The following TRPC1 variants were observed in gnomAD, a reference collection of about 807,000 sequenced individuals.
TRPC1 encodes transient receptor potential cation channel subfamily C member 1.
Under a neutral mutation model 88.2 loss-of-function variants are expected in TRPC1, and 42 were observed. The ratio of observed to expected loss-of-function variants is 0.48; its 90% CI spans 0.37 to 0.62. The LOEUF (loss-of-function observed/expected upper bound fraction) is 0.62. TRPC1 is among the 20% of genes least tolerant of loss of function. The pLI is 0.00. For synonymous variants in TRPC1, 288 were observed against 331.8 expected (o/e 0.87, Z 1.43); for missense variants, 699 against 957.3 (o/e 0.73, Z 3.56).
At position 142,806,420 on chromosome 3, in the gene TRPC1, CCTT is replaced by C. The variant is rs1936795964; in HGVS notation, c.*188_*190del. ...GTGTATATAGAATTAGTTTTTTAAA[CCTT>C]CTGTTAGTGGCTTTTTGCAGAAGCA... On this transcript the variant is annotated 3_prime_UTR_variant, in exon 13 of 13. Transcript: ENST00000476941. The C allele has an allele frequency of 4.2e-6, 2 of 480,590 alleles. No homozygotes were observed. The highest frequency in any genetic ancestry group is 6.9e-6 in the Non-Finnish European group (2 of 289,678). 29.8% of individuals were successfully genotyped at this position (480,590 alleles called of 1,614,324 possible).
In TRPC1 at chr3:142,763,989, T is replaced by TATATATATATAC. The variant is rs1486429772; in HGVS notation, c.633-13642_633-13641insTATATATATACA. On this transcript the variant is annotated intron_variant, in intron 4 of 12. Transcript: ENST00000476941. ...ATATATATATATATATATATACACA[T>TATATATATATAC]ACATACATACATATATATATATATA... 1.3e-3 allele frequency among the ~76,000 whole-genome samples: 84 copies of TATATATATATAC among 65,010 alleles called. 6 individuals are homozygous for TATATATATATAC. The highest frequency in any genetic ancestry group is 9.6e-3 in the African/African-American group (83 of 8,690). The allele number at this position is 65,010 out of a possible 152,430, so 42.6% of individuals were successfully genotyped here. A position where few individuals can be genotyped will look rare whatever the true frequency, so the allele number is the denominator to read the frequency against.
intron 2 of TRPC1, 136 bp downstream of exon 2, chr3:142,736,669 C>A: frequency 1.2e-6 from 1 of 821,264 alleles, no homozygotes; most frequent in Non-Finnish European, 1.7e-6. Context: ...CTCTTACTCT[C>A]CTTCTGTCTT....
intron 4 of TRPC1, among the ~76,000 whole-genome samples, chr3:142,766,596 G>T (rs983814958): frequency 6.6e-6 from 1 of 151,790 alleles, no homozygotes; most frequent in African/African-American, 2.4e-5. Context: ...GGCCAGGCTG[G>T]TCTCAAACTC....
intron 7 of TRPC1, among the ~76,000 whole-genome samples, chr3:142,786,999 T>C (rs1936153607): frequency 6.6e-6 from 1 of 152,180 alleles, no homozygotes; most frequent in Non-Finnish European, 1.5e-5. Context: ...CCGATTTTCA[T>C]AATAATGGTA....
intron 1 of TRPC1, among the ~76,000 whole-genome samples, chr3:142,730,238 G>C (rs1933847072): frequency 6.6e-6 from 1 of 152,020 alleles, no homozygotes; most frequent in South Asian, 2.1e-4. Context: ...ATAGAGTTAA[G>C]AATATGCTGT....
At chr3:142,765,238 C>A (rs1455131609) in intron 4 of TRPC1, among the ~76,000 whole-genome samples, 1 of 152,090 alleles carries the variant, frequency 6.6e-6, no homozygotes, top group African/African-American at 2.4e-5. Flanking sequence ...GTTAAAATGG[C>A]CATACTACCC....
intron 4 of TRPC1, among the ~76,000 whole-genome samples, chr3:142,759,985 G>A (rs992881959): frequency 4.6e-5 from 7 of 152,026 alleles, no homozygotes; most frequent in African/African-American, 7.2e-5. Flanking sequence ...CTCCACGCCC[G>A]GCTAATTTTT....
chr3:142,795,647 A>G (rs527869031), intron 9 of TRPC1, among the ~76,000 whole-genome samples: 3 of 152,150 alleles, frequency 2.0e-5, no homozygotes, highest in Non-Finnish European at 4.4e-5. Flanking sequence ...TGAAGGTAAA[A>G]TGTAGACTTC....
At chr3:142,753,184 G>C (rs911080828) in intron 4 of TRPC1, among the ~76,000 whole-genome samples, 2 of 152,318 alleles carry the variant, frequency 1.3e-5, no homozygotes, top group South Asian at 4.1e-4. Flanking sequence ...GGCTTGGTTT[G>C]AGGTTGGGGG....
At chr3:142,730,375 G>T (rs973111542) in intron 1 of TRPC1, among the ~76,000 whole-genome samples, 2 of 151,980 alleles carry the variant, frequency 1.3e-5, no homozygotes, top group African/African-American at 2.4e-5. Context: ...ATTATTAATG[G>T]TCCTCATTAA....
intron 4 of TRPC1, among the ~76,000 whole-genome samples, chr3:142,757,221 T>C (rs1378982315): frequency 1.6e-5 from 2 of 121,412 alleles, no homozygotes; most frequent in Admixed American, 1.5e-4. Context: ...ATTGATTTCC[T>C]TTCTTTTGGA....
chr3:142,748,294 A>G lies in TRPC1; in HGVS notation c.466A>G (p.Thr156Ala). 1 of 1,614,074 alleles carries G rather than the reference A, an allele frequency of 6.2e-7. No homozygotes were observed. Among genetic ancestry groups the G allele is most frequent in the Non-Finnish European group, 8.5e-7 (1 of 1,179,926 alleles). ...MERIQNPEYS[T>A]TMDVAPVILA... The stretch of plus-strand genomic sequence containing the variant: ...ACGAATTCAGAATCCTGAGTATTCA[A>G]CAACTATGGATGTTGCACCTGTCAT... The change falls in exon 4 of 13, where the codon ACA becomes GCA. Residue 156 changes from threonine to alanine, a missense_variant. This residue lies in a region of TRPC1 where 426 missense variants were observed against 641.3 expected (regional missense o/e 0.66). Coordinates refer to ENST00000476941, the MANE Select transcript of TRPC1 (RefSeq NM_001251845.2).
chr3:142,769,306 T>C (rs988947121), intron 4 of TRPC1, among the ~76,000 whole-genome samples: 1 of 152,194 alleles, frequency 6.6e-6, no homozygotes, highest in Non-Finnish European at 1.5e-5. Flanking sequence ...TTTGTCACTG[T>C]TTTAAGGTAG....
rs142622968 is a variant in TRPC1, at chr3:142,754,740, G to A, written c.632+6280G>A. On this transcript the variant is annotated intron_variant, in intron 4 of 12. Transcript: ENST00000476941. ...ACCAAGAGAGTAGGATGTTGGCTGG[G>A]GTCATGTTAGGAATATGGAATTCTT... Among the ~76,000 whole-genome samples, 1,515 of 152,160 alleles carry A rather than the reference G, an allele frequency of 1.0e-2. 15 individuals carry two copies. The highest frequency in any genetic ancestry group is 0.031 in the South Asian group (151 of 4,810).
rs536316917 is a variant in TRPC1 at position 142,739,592 on chromosome 3, A to T, written c.327+3059A>T. Among the ~76,000 whole-genome samples, 3 of 152,338 alleles carry T rather than the reference A, an allele frequency of 2.0e-5. No homozygotes were observed. The South Asian group carries it at 6.2e-4, about 32-fold the overall frequency. ...AGGAAAAATAATTAAAACAAAATGG[A>T]TACAAAGGGCCTTGAATGCCAGAAT... On this transcript the variant is annotated intron_variant, in intron 2 of 12. Transcript: ENST00000476941.
intron 12 of TRPC1, among the ~76,000 whole-genome samples, chr3:142,804,896 G>A (rs1936740861): frequency 6.6e-6 from 1 of 152,052 alleles, no homozygotes; most frequent in Non-Finnish European, 1.5e-5. Flanking sequence ...CATCACTTGA[G>A]GTCAGGAGTT....
intron 1 of TRPC1, among the ~76,000 whole-genome samples, chr3:142,731,254 T>C (rs1283864134): frequency 6.6e-6 from 1 of 152,074 alleles, no homozygotes; most frequent in African/African-American, 2.4e-5. Flanking sequence ...ACAAGATGAA[T>C]TCAGAATGTT....
At chr3:142,759,145 T>A (rs1935090071) in intron 4 of TRPC1, among the ~76,000 whole-genome samples, 1 of 152,202 alleles carries the variant, frequency 6.6e-6, no homozygotes, top group Non-Finnish European at 1.5e-5. Context: ...TAAGTGTGCA[T>A]GTGTCTTTAT....
At position 142,780,861 on chromosome 3, in the gene TRPC1, A is replaced by G. The variant is rs369382833; in HGVS notation, c.792A>G (p.Gln264=). 1.3e-5 allele frequency: 21 copies of G among 1,611,840 alleles called. No homozygotes were observed. Among genetic ancestry groups the G allele is most frequent in the African/African-American group, 5.3e-5 (4 of 74,862 alleles). The change falls in exon 6 of 13, where the codon CAA becomes CAG. Residue 264 remains glutamine, a synonymous_variant. Coordinates refer to ENST00000476941, the MANE Select transcript of TRPC1 (RefSeq NM_001251845.2). ...ATGATTATGAGGAACTAGCCCGGCA[A>G]TGTAAAATGTTTGCTAAGGATTTAC... ...FRNDYEELAR[Q]CKMFAKDLLA...
Sources: gnomAD v4.1 joint callset for allele counts (sites outside exome capture counted in the v4.1 genomes callset) on GRCh38, gnomAD v4.1.1 for gene constraint, gnomAD v4.1.1 regional missense constraint, MANE v1.5 for transcripts, NCBI Gene and HGNC (gene_info 2026-07-23, HGNC 2026-07-21) for gene names.